The following PYGL variants were observed in gnomAD, a reference collection of about 807,000 sequenced individuals.
PYGL encodes the protein glycogen phosphorylase, liver form.
A neutral mutation model predicts 100.1 loss-of-function variants in PYGL; 90 were observed. The ratio of observed to expected loss-of-function variants is 0.90; its 90% confidence interval spans 0.76 to 1.07. The LOEUF (loss-of-function observed/expected upper bound fraction) is 1.07. PYGL is among the 50% of genes least tolerant of loss of function. The pLI is 0.00. For synonymous variants in PYGL, 373 were observed against 393.0 expected (o/e 0.95, Z 0.60); for missense variants, 1,016 against 1,057.6 (o/e 0.96, Z 0.55).
rs539618096 is a variant in PYGL at position 50,905,568 on chromosome 14, A to G, written c.2380-12T>C. 204 of 1,613,822 alleles carry G rather than the reference A, an allele frequency of 1.3e-4. No homozygotes were observed. In the South Asian group the frequency reaches 2.1e-3, roughly 17 times the overall value. On this transcript the variant is annotated splice_polypyrimidine_tract_variant and intron_variant, in intron 19 of 19. Coordinates refer to ENST00000216392, the MANE Select transcript of PYGL (RefSeq NM_002863.5). ...CAGGCCTTTGGATTCTGTAAACAAC[A>G]TATGCATATACAGCCCAGAGTCCCA...
At chr14:50,911,007 T>G (rs2050391086) in intron 16 of PYGL, among the ~76,000 whole-genome samples, 1 of 152,258 alleles carries the variant, frequency 6.6e-6, no homozygotes, top group Admixed American at 6.5e-5. Flanking sequence ...TCTCCCTTTA[T>G]GCAGAGAGTT....
intron 11 of PYGL, chr14:50,915,083 GT>G (rs2050433120): frequency 3.2e-6 from 2 of 622,694 alleles, no homozygotes; most frequent in African/African-American, 1.8e-5. Context: ...CAGTAGAATA[GT>G]TTTTGGTATT....
rs143556430 is a variant in PYGL at position 50,905,448 on chromosome 14, G to T, written c.2488C>A (p.Pro830Thr). 34 of 1,613,562 alleles carry T rather than the reference G, an allele frequency of 2.1e-5. No homozygotes were observed. The highest frequency in any genetic ancestry group is 2.9e-5 in the Non-Finnish European group (34 of 1,179,596). The change falls in exon 20 of 20, where the codon CCT (proline) becomes ACT (threonine). Residue 830 changes from proline to threonine, a missense_variant. Coordinates refer to ENST00000216392, the MANE Select transcript of PYGL (RefSeq NM_002863.5). ...EYAQNIWNVE[P>T]SDLKISLSNE... ...GATAGAGAAATCTTTAGATCTGAAG[G>T]TTCCACGTTCCAGATGTTTTGGGCA...
Position 50,909,775 on chromosome 14 carries a change from C to A in PYGL, c.2177+120G>T, listed in dbSNP as rs2050373393. The A allele has an allele frequency of 3.5e-6, 4 of 1,127,746 alleles. No individual in the cohort carries two copies. The South Asian group carries it at 3.7e-5, about 11-fold the overall frequency. 69.9% of individuals were successfully genotyped at this position (1,127,746 alleles called of 1,614,324 possible). ...CCTCATCGTGGGAGATGTTCTGCTG[C>A]CACCTCTTATGTGATCCAATTTCAG... On this transcript the variant is annotated intron_variant, in intron 17 of 19. Transcript: ENST00000216392.
intron 18 of PYGL, 36 bp from the exon 19 acceptor site, chr14:50,908,373 C>A: frequency 6.7e-7 from 1 of 1,486,152 alleles, no homozygotes; most frequent in South Asian, 1.1e-5. Flanking sequence ...AAAAAACAGT[C>A]AAAATCTTCA....
intron 16 of PYGL, 147 bp from the exon 17 acceptor site, chr14:50,910,249 T>C (rs1447007199): frequency 3.6e-6 from 3 of 834,530 alleles, no homozygotes; most frequent in Non-Finnish European, 5.7e-6. Context: ...AGAAGGCAGA[T>C]CACACTCTTT....
rs768906324 is a variant in PYGL at position 50,912,053 on chromosome 14, A to C, written c.1769-17T>G. On this transcript the variant is annotated splice_polypyrimidine_tract_variant and intron_variant, in intron 14 of 19. Coordinates refer to ENST00000216392, the MANE Select transcript of PYGL (RefSeq NM_002863.5). ...TCTTAATGCCTGAAAAAGATGGAGAAGTGGATGAAATGGAAGACAGCTGAC... is the reference window on the plus strand; with the variant it reads ...TCTTAATGCCTGAAAAAGATGGAGACGTGGATGAAATGGAAGACAGCTGAC... 2 of 1,613,612 alleles carry C rather than the reference A, an allele frequency of 1.2e-6. No individual in the cohort carries two copies. Among genetic ancestry groups the C allele is most frequent in the Admixed American group, 1.7e-5 (1 of 60,004 alleles).
At chr14:50,923,937 C>T in intron 5 of PYGL, 32 bp downstream of exon 5, 1 of 1,602,442 alleles carries the variant, frequency 6.2e-7, no homozygotes, top group Non-Finnish European at 8.5e-7. Context: ...AAATACTATA[C>T]AAAACGCTGG....
rs769083575 is a variant in PYGL at position 50,944,380 on chromosome 14, C to T, written c.24G>A (p.Gln8=). MAKPLTD[Q]EKRRQISIRG... is the part of the protein sequence containing the mutation. ...GGATGCTGATCTGCCGCCGCTTCTC[C>T]TGGTCCGTCAGGGGCTTCGCCATGG... The change falls in exon 1 of 20, where the codon CAG becomes CAA. Residue 8 remains glutamine, a synonymous_variant. Transcript: ENST00000216392. 8 of 1,612,938 alleles carry T rather than the reference C, an allele frequency of 5.0e-6. No homozygotes were observed. In the East Asian group the frequency reaches 8.9e-5, roughly 18 times the overall value.
At chr14:50,915,127 A>G (rs756058915) in intron 11 of PYGL, 28 of 697,164 alleles carry the variant, frequency 4.0e-5, no homozygotes, top group Non-Finnish European at 6.3e-5. Flanking sequence ...TCCTATGTCT[A>G]GAATTAAGAT....
chr14:50,921,981 G>A (rs1339712445), intron 5 of PYGL, among the ~76,000 whole-genome samples: 1 of 152,202 alleles, frequency 6.6e-6, no homozygotes, highest in Non-Finnish European at 1.5e-5. Flanking sequence ...AATTAGCTGA[G>A]TTGAGTCTAA....
At position 50,923,988 on chromosome 14, in the gene PYGL, G is replaced by A. The variant is rs1173764009; in HGVS notation, c.641C>T (p.Thr214Ile). ...YGKVEHTNTG[T>I]KWIDTQVVLA... ...GAATACTTGAGTGTCAATCCACTTGGTCCCGGTGTTGGTGTGTTCTACTTT... is the reference window on the plus strand; with the variant it reads ...GAATACTTGAGTGTCAATCCACTTGATCCCGGTGTTGGTGTGTTCTACTTT... Residue 214 changes from threonine (T) to isoleucine (I), a missense_variant, in exon 5 of 20, where the codon ACC becomes ATC. Coordinates refer to ENST00000216392, the MANE Select transcript of PYGL (RefSeq NM_002863.5). 3 of 1,613,772 alleles carry A rather than the reference G, an allele frequency of 1.9e-6. No homozygotes were observed. The highest frequency in any genetic ancestry group is 2.2e-5 in the South Asian group (2 of 91,078).
chr14:50,930,699 C>T (rs945253322), intron 4 of PYGL, among the ~76,000 whole-genome samples: 30 of 152,190 alleles, frequency 2.0e-4, no homozygotes, highest in Admixed American at 1.9e-3. Flanking sequence ...TTTATCCTGG[C>T]ACAGCCTAGG....
In PYGL at chr14:50,915,335, C is replaced by G. The variant is rs2050436282; in HGVS notation, c.1403+1G>C. On this transcript the variant is annotated splice_donor_variant, in intron 11 of 19. Transcript: ENST00000216392. LOFTEE classifies it high-confidence loss of function. ...CCACTGCCAGAGTAATGGAGGCTCA[C>G]ACTTTAGTCTTCACGATGTCTGAGT... 1 of 1,614,100 alleles carries G rather than the reference C, an allele frequency of 6.2e-7. No homozygotes were observed. The highest frequency in any genetic ancestry group is 8.5e-7 in the Non-Finnish European group (1 of 1,179,958).
chr14:50,917,469 A>G (rs2050463813), intron 7 of PYGL, among the ~76,000 whole-genome samples: 1 of 152,188 alleles, frequency 6.6e-6, no homozygotes, highest in Non-Finnish European at 1.5e-5. Flanking sequence ...TGTACATTGG[A>G]GCTCCCCAAG....
At chr14:50,921,129 A>G in intron 5 of PYGL, 62 bp from the exon 6 acceptor site, 1 of 1,341,604 alleles carries the variant, frequency 7.5e-7, no homozygotes, top group Non-Finnish European at 1.1e-6. Context: ...TAGGTTGAAC[A>G]AGGGGCTGGG....
At chr14:50,917,659 A>G (rs1308975271) in intron 7 of PYGL, among the ~76,000 whole-genome samples, 4 of 151,626 alleles carry the variant, frequency 2.6e-5, no homozygotes. Context: ...GCAGCCATGG[A>G]CCGTGTGGAG....
intron 9 of PYGL, among the ~76,000 whole-genome samples, chr14:50,916,223 T>C (rs2075645): frequency 0.22 from 33,566 of 152,226 alleles, 5,350 homozygotes; most frequent in African/African-American, 0.46. Flanking sequence ...ACTATCCTTA[T>C]GTGTCTTTCA....
chr14:50,921,135 C>CT (rs1219631957), intron 5 of PYGL, 68 bp from the exon 6 acceptor site: 2 of 1,228,992 alleles, frequency 1.6e-6, no homozygotes, highest in Non-Finnish European at 2.4e-6. Flanking sequence ...GAACAAGGGG[C>CT]TGGGAGACTG....
Sources: gnomAD v4.1 joint callset for allele counts (sites outside exome capture counted in the v4.1 genomes callset) on GRCh38, gnomAD v4.1.1 for gene constraint, MANE v1.5 for transcripts, NCBI Gene and HGNC (gene_info 2026-07-23, HGNC 2026-07-21) for gene names.